Variants in PCGF6 observed in about 807,000 individuals in gnomAD.
PCGF6 encodes the protein polycomb group ring finger 6.
In PCGF6, 24 loss-of-function variants were observed where a neutral mutation model predicts 45.5. That is an observed-to-expected ratio of 0.53 (90% CI 0.38 to 0.74). PCGF6 has a LOEUF of 0.74. Among genes scored for constraint, PCGF6 ranks in the 30% least tolerant of loss-of-function variants. PCGF6 has a pLI of 0.00. For missense variants in PCGF6, 356 were observed against 443.2 expected, an observed-to-expected ratio of 0.80 and a Z score of 1.77; for synonymous variants, 152 against 162.1, an observed-to-expected ratio of 0.94 and a Z score of 0.47.
intron 5 of PCGF6, 116 bp from the exon 6 acceptor site, chr10:103,345,248 C>G: frequency 1.4e-6 from 1 of 700,756 alleles, no homozygotes; most frequent in Non-Finnish European, 2.3e-6. Flanking sequence ...TCATAAACCA[C>G]TCAATCTCCC....
At chr10:103,308,881 T>A (rs1030361200) in intron 9 of PCGF6, among the ~76,000 whole-genome samples, 4 of 151,636 alleles carry the variant, frequency 2.6e-5, no homozygotes, top group African/African-American at 9.7e-5. Flanking sequence ...TCTCAAAAAA[T>A]AAATAAATAA....
At chr10:103,343,010 G>A (rs894524178) in intron 6 of PCGF6, among the ~76,000 whole-genome samples, 26 of 152,020 alleles carry the variant, frequency 1.7e-4, no homozygotes, top group Admixed American at 1.4e-3. Context: ...CTCACTGCAA[G>A]CTCTGCCTCC....
At chr10:103,350,568 G>T (rs2093317122) in intron 1 of PCGF6, 139 bp downstream of exon 1, 1 of 798,076 alleles carries the variant, frequency 1.3e-6, no homozygotes, top group Non-Finnish European at 1.7e-6. Context: ...GGCAGCCGGG[G>T]CAGAGGTCGG....
chr10:103,327,258 C>A (rs929486163), intron 7 of PCGF6, among the ~76,000 whole-genome samples: 1 of 152,056 alleles, frequency 6.6e-6, no homozygotes. Flanking sequence ...GTACTCCAGT[C>A]TGGGCAACAA....
chr10:103,315,864 ACT>A (rs1468697545), intron 8 of PCGF6, among the ~76,000 whole-genome samples: 2 of 151,720 alleles, frequency 1.3e-5, no homozygotes, highest in Admixed American at 6.6e-5. Flanking sequence ...TTTTATTAAG[ACT>A]CTACTATACT....
intron 9 of PCGF6, among the ~76,000 whole-genome samples, chr10:103,309,482 G>C (rs11191650): frequency 0.11 from 17,308 of 152,156 alleles, 1,368 homozygotes; most frequent in Non-Finnish European, 0.17. Context: ...GCCATGATTG[G>C]AAGCTAAGCT....
At chr10:103,334,024 A>G (rs1367129640) in intron 6 of PCGF6, 72 bp from the exon 7 acceptor site, 3 of 1,040,116 alleles carry the variant, frequency 2.9e-6, no homozygotes, top group African/African-American at 3.4e-5. Flanking sequence ...AACAACATAT[A>G]TAAATATTTG....
intron 9 of PCGF6, among the ~76,000 whole-genome samples, chr10:103,313,762 C>A (rs1006314536): frequency 6.6e-6 from 1 of 152,118 alleles, no homozygotes; most frequent in African/African-American, 2.4e-5. Flanking sequence ...GCAAGTTTTT[C>A]TTGAAATGTC....
At chr10:103,312,569 T>C (rs1319883915) in intron 9 of PCGF6, 2 of 153,220 alleles carry the variant, frequency 1.3e-5, no homozygotes, top group Non-Finnish European at 2.9e-5. Flanking sequence ...AGCCCTTTTT[T>C]CCCCAAGAAT....
At chr10:103,339,806 AAAAAACACACACACAC>A (rs1176239955) in intron 6 of PCGF6, among the ~76,000 whole-genome samples, 1,819 of 71,196 alleles carry the variant, frequency 0.026, 74 homozygotes, top group Middle Eastern at 0.045. Context: ...TGTCTCAAAA[AAAAAACACACACACAC>A]ACACACACAC....
chr10:103,327,891 G>A (rs892170060), intron 7 of PCGF6, among the ~76,000 whole-genome samples: 1 of 150,294 alleles, frequency 6.7e-6, no homozygotes, highest in East Asian at 1.9e-4. Flanking sequence ...TAGCCAGCAT[G>A]GTCTCAATCT....
intron 6 of PCGF6, among the ~76,000 whole-genome samples, chr10:103,336,328 T>C (rs534600639): frequency 7.9e-5 from 12 of 151,310 alleles, no homozygotes; most frequent in African/African-American, 2.9e-4. Context: ...AAATGATATA[T>C]TATTTTATAT....
chr10:103,306,700 C>T (rs1442347644), intron 9 of PCGF6, among the ~76,000 whole-genome samples: 1 of 152,214 alleles, frequency 6.6e-6, no homozygotes. Context: ...CAAGTGCCCA[C>T]AAGGCCCAGG....
intron 9 of PCGF6, among the ~76,000 whole-genome samples, chr10:103,313,704 G>A (rs1188695341): frequency 6.6e-6 from 1 of 152,192 alleles, no homozygotes. Context: ...CATGTGGCCT[G>A]AGGGCCACAG....
intron 7 of PCGF6, among the ~76,000 whole-genome samples, chr10:103,329,024 C>T (rs559741899): frequency 2.5e-4 from 38 of 149,750 alleles, no homozygotes; most frequent in African/African-American, 6.4e-4. Flanking sequence ...GGATTACAGG[C>T]GTGAGCCACT....
In PCGF6 at chr10:103,316,013, T is replaced by TAGAGAGAG. The variant is rs5787488; in HGVS notation, c.910-1749_910-1742dup. Among the ~76,000 whole-genome samples, 691 of 119,510 alleles carry TAGAGAGAG rather than the reference T, an allele frequency of 5.8e-3. 11 individuals carry two copies. The highest frequency in any genetic ancestry group is 0.021 in the African/African-American group (643 of 30,962). The allele number at this position is 119,510 out of a possible 152,430, so 78.4% of individuals were successfully genotyped here. ...GTGTGTGTATATATATATATATATA[T>TAGAGAGAG]AGAGAGAGAGAGAGAGAGAGAGAGA... On this transcript the variant is annotated intron_variant, in intron 8 of 9. Coordinates refer to ENST00000369847, the MANE Select transcript of PCGF6 (RefSeq NM_001011663.2).
chr10:103,344,934 G>C, intron 6 of PCGF6, 90 bp downstream of exon 6: 1 of 881,364 alleles, frequency 1.1e-6, no homozygotes, highest in Non-Finnish European at 1.8e-6. Flanking sequence ...GGGGATGTCA[G>C]AAAACTTGAT....
In PCGF6 at chr10:103,345,059, A is replaced by C; in HGVS notation, c.747T>G (p.Pro249=). 6.2e-7 allele frequency: 1 copy of C among 1,612,252 alleles called. No individual in the cohort carries two copies. The highest frequency in any genetic ancestry group is 1.7e-5 in the Admixed American group (1 of 59,886). The change falls in exon 6 of 10, where the codon CCT becomes CCG. Residue 249 remains proline (P), a synonymous_variant. Coordinates refer to ENST00000369847, the MANE Select transcript of PCGF6 (RefSeq NM_001011663.2). ...CCAGTAATAAAGACATATCAAGTTC[A>C]GGTGGAATACGAAACACTGATTCTA... is the stretch of plus-strand genomic sequence containing the variant. ...KVLESVFRIP[P]ELDMSLLLEF... is the part of the protein sequence containing the mutation.
At position 103,339,355 on chromosome 10, in the gene PCGF6, A is replaced by T. The variant is rs576016717; in HGVS notation, c.783-5403T>A. On this transcript the variant is annotated intron_variant, in intron 6 of 9. Transcript: ENST00000369847. ...CAGTAACCTGAGATCGCGCCACTGCAGTCCAGCCTGGGCAGCAGAGCAAGA... is the reference window on the plus strand; with the variant it reads ...CAGTAACCTGAGATCGCGCCACTGCTGTCCAGCCTGGGCAGCAGAGCAAGA... Among the ~76,000 whole-genome samples, 15 of 151,404 alleles carry T rather than the reference A, an allele frequency of 9.9e-5. No homozygotes were observed. The East Asian group carries it at 3.0e-3, about 30-fold the overall frequency.
Sources: allele counts gnomAD v4.1 joint callset (sites outside exome capture counted in the v4.1 genomes callset), GRCh38; gene constraint gnomAD v4.1.1; transcripts MANE v1.5; gene names NCBI Gene and HGNC (gene_info 2026-07-23, HGNC 2026-07-21).